Variants in DAAM2 observed in about 807,000 individuals in gnomAD.
DAAM2 encodes the protein dishevelled associated activator of morphogenesis 2.
In DAAM2, 39 loss-of-function variants were observed where a neutral mutation model predicts 120.7. That is an observed-to-expected ratio of 0.32 (90% CI 0.25 to 0.42). The LOEUF is 0.42. Ranked by LOEUF, DAAM2 falls within the 10% of genes least tolerant of loss-of-function variation. The pLI, the probability that DAAM2 is intolerant of heterozygous loss-of-function variation, is 1.00. For synonymous variants in DAAM2, 488 were observed against 524.9 expected, an observed-to-expected ratio of 0.93 and a Z score of 0.96; for missense variants, 1,283 against 1,401.7, an observed-to-expected ratio of 0.92 and a Z score of 1.35.
rs1302318607 is a variant in DAAM2, at chr6:39,870,288, T to G, written c.874-52T>G. ...GTGATGAGGGCTCCACTGGGGATGTTGTGGAAACTGAGATCTGCCAATGAG... is the reference window on the plus strand; with the variant it reads ...GTGATGAGGGCTCCACTGGGGATGTGGTGGAAACTGAGATCTGCCAATGAG... On this transcript the variant is annotated intron_variant, in intron 7 of 24. Transcript: ENST00000274867. 5 of 1,155,778 alleles carry G rather than the reference T, an allele frequency of 4.3e-6. No homozygotes were observed. The African/African-American group carries it at 6.1e-5, about 14-fold the overall frequency. The allele number at this position is 1,155,778 out of a possible 1,614,324, so 71.6% of individuals were successfully genotyped here.
intron 11 of DAAM2, among the ~76,000 whole-genome samples, chr6:39,876,724 T>C (rs1319439363): frequency 4.5e-5 from 5 of 111,246 alleles, no homozygotes; most frequent in East Asian, 3.7e-4. Flanking sequence ...TGTGTGTGTG[T>C]GTGTGCGTGT....
At chr6:39,884,353 C>G (rs1358480656) in intron 15 of DAAM2, 3 of 317,528 alleles carry the variant, frequency 9.4e-6, no homozygotes, top group African/African-American at 6.2e-5. Context: ...ATTTATACAC[C>G]AAGTATTGAA....
At chr6:39,858,857 A>C (rs1193333660) in intron 2 of DAAM2, among the ~76,000 whole-genome samples, 3 of 152,092 alleles carry the variant, frequency 2.0e-5, no homozygotes, top group Admixed American at 6.5e-5. Context: ...GGACTTCTAC[A>C]TTTAAAGGTA....
intron 17 of DAAM2, among the ~76,000 whole-genome samples, chr6:39,889,955 C>T (rs1765604585): frequency 6.6e-6 from 1 of 151,976 alleles, no homozygotes; most frequent in Non-Finnish European, 1.5e-5. Flanking sequence ...TGGTGAGACC[C>T]CATCTTTACT....
At position 39,879,170 on chromosome 6, in the gene DAAM2, C is replaced by T. The variant is rs764736610; in HGVS notation, c.1546-8C>T. 44 of 1,531,048 alleles carry T rather than the reference C, an allele frequency of 2.9e-5. 1 individual carries two copies. In the South Asian group the frequency reaches 4.7e-4, roughly 16 times the overall value. 94.8% of individuals were successfully genotyped at this position (1,531,048 alleles called of 1,614,324 possible). On this transcript the variant is annotated splice_polypyrimidine_tract_variant and splice_region_variant and intron_variant, in intron 13 of 24. Transcript: ENST00000274867. Reference sequence around the variant, plus strand: ...CTTTGTCCTTGCAATTTTTCTGTTTCCTCACAGACAGGCCCTGTATCTTCC... The same window carrying T: ...CTTTGTCCTTGCAATTTTTCTGTTTTCTCACAGACAGGCCCTGTATCTTCC...
In DAAM2 at chr6:39,873,259, G is replaced by A. The variant is rs938555716; in HGVS notation, c.1066G>A (p.Ala356Thr). Residue 356 changes from alanine to threonine, a missense_variant, in exon 10 of 25, where the codon GCT becomes ACT. Around this residue, in one of 3 missense-constraint regions of DAAM2, gnomAD observed 338 missense variants for 443.9 expected, o/e 0.76. Coordinates refer to ENST00000274867, the MANE Select transcript of DAAM2 (RefSeq NM_001201427.2). ...CCAGGTCCACATCGACACCAAGAGT[G>A]CTTCCCAGATGTTTGAGTTGATCCA... is the stretch of plus-strand genomic sequence containing the variant. Reference protein sequence around the residue: ...FDMVHIDTKSASQMFELIHKK... With the variant: ...FDMVHIDTKSTSQMFELIHKK... 2 of 1,612,784 alleles carry A rather than the reference G, an allele frequency of 1.2e-6. No homozygotes were observed. The highest frequency in any genetic ancestry group is 1.3e-5 in the African/African-American group (1 of 74,918).
At chr6:39,869,950 T>C (rs1764591688) in intron 7 of DAAM2, among the ~76,000 whole-genome samples, 1 of 151,992 alleles carries the variant, frequency 6.6e-6, no homozygotes, top group Admixed American at 6.6e-5. Flanking sequence ...GTCATCCCTG[T>C]AGATTAGTTA....
intron 17 of DAAM2, among the ~76,000 whole-genome samples, chr6:39,891,057 C>T (rs1233167339): frequency 6.7e-6 from 1 of 148,336 alleles, no homozygotes; most frequent in East Asian, 2.0e-4. Flanking sequence ...CATACCACTG[C>T]ATTCTAGCCT....
rs1253001994 is a variant in DAAM2 at position 39,879,250 on chromosome 6, C to A, written c.1618C>A (p.Leu540Met). ...TLSSSMTTND[L>M]PPPPPPLPFA... ...GTCTTCCTCAATGACAACCAATGAC[C>A]TGCCTCCACCCCCTCCTCCTCTGCC... Residue 540 changes from leucine (L) to methionine (M), a missense_variant, in exon 14 of 25, where the codon CTG (leucine) becomes ATG (methionine). Leu to Met is a conservative substitution (Grantham distance 15, BLOSUM62 2). This residue lies in a region of DAAM2 where 748 missense variants were observed against 768.6 expected (regional missense o/e 0.97). Transcript: ENST00000274867. 4 of 1,543,946 alleles carry A rather than the reference C, an allele frequency of 2.6e-6. No homozygotes were observed. The highest frequency in any genetic ancestry group is 3.5e-6 in the Non-Finnish European group (4 of 1,141,500).
In DAAM2 at chr6:39,897,232, T is replaced by C. The variant is rs767881457; in HGVS notation, c.2568T>C (p.Ile856=). The change falls in exon 21 of 25, where the codon ATT becomes ATC. Residue 856 remains isoleucine (I), a synonymous_variant. Transcript: ENST00000274867. ...TCCTGGAGAAGCATTTTCCTGATATTCTAAACATGCCTTCAGAGCTGCAAC... is the reference window on the plus strand; with the variant it reads ...TCCTGGAGAAGCATTTTCCTGATATCCTAAACATGCCTTCAGAGCTGCAAC... The part of the protein sequence containing the change: ...IMILEKHFPD[I]LNMPSELQHL... 1.2e-6 allele frequency: 2 copies of C among 1,613,808 alleles called. No individual in the cohort carries two copies. Among genetic ancestry groups the C allele is most frequent in the South Asian group, 2.2e-5 (2 of 91,078 alleles).
At chr6:39,835,567 T>C (rs1427672163) in intron 1 of DAAM2, among the ~76,000 whole-genome samples, 1 of 152,032 alleles carries the variant, frequency 6.6e-6, no homozygotes, top group African/African-American at 2.4e-5. Flanking sequence ...GGTCACAGAG[T>C]TGGTGCTCAG....
intron 1 of DAAM2, among the ~76,000 whole-genome samples, chr6:39,832,269 G>A (rs1228906051): frequency 6.6e-6 from 1 of 151,974 alleles, no homozygotes; most frequent in Non-Finnish European, 1.5e-5. Flanking sequence ...CCCAGTGAGG[G>A]GGTCCCAGAG....
At chr6:39,864,164 TA>T (rs143368561) in intron 3 of DAAM2, among the ~76,000 whole-genome samples, 3,343 of 152,252 alleles carry the variant, frequency 0.022, 96 homozygotes, top group African/African-American at 0.074. Context: ...AAAGAATTTT[TA>T]AAAAATGGTG....
chr6:39,839,031 T>A (rs9367030), intron 1 of DAAM2, among the ~76,000 whole-genome samples: 16 of 151,882 alleles, frequency 1.1e-4, no homozygotes, highest in African/African-American at 3.9e-4. Flanking sequence ...TGGTCCCCCC[T>A]CTCTCTCCTC....
intron 1 of DAAM2, among the ~76,000 whole-genome samples, chr6:39,834,420 G>A (rs1263697099): frequency 6.6e-6 from 1 of 152,146 alleles, no homozygotes; most frequent in Non-Finnish European, 1.5e-5. Flanking sequence ...TGCTTCCCTA[G>A]TGAAAGAGGC....
intron 1 of DAAM2, among the ~76,000 whole-genome samples, chr6:39,811,360 A>G (rs184233319): frequency 6.6e-6 from 1 of 152,224 alleles, no homozygotes; most frequent in East Asian, 1.9e-4. Context: ...TCCAGTTGTT[A>G]AACCCTTATT....
rs758005602 is a variant in DAAM2, at chr6:39,868,461, G to A, written c.763-362G>A. ...ACTGGGTCCTGACTCTGCAGAAGAC[G>A]GAAAAGGGATAAAAGCAGTGTCCAT... On this transcript the variant is annotated intron_variant, in intron 6 of 24. Transcript: ENST00000274867. 4.4e-5 allele frequency: 11 copies of A among 247,458 alleles called. No homozygotes were observed. In the East Asian group the frequency reaches 8.1e-4, roughly 18 times the overall value. The allele number at this position is 247,458 out of a possible 1,614,324, so 15.3% of individuals were successfully genotyped here. A position where few individuals can be genotyped will look rare whatever the true frequency, so the allele number is the denominator to read the frequency against.
At chr6:39,884,925 T>C (rs186979530) in intron 15 of DAAM2, 2 of 152,220 alleles carry the variant, frequency 1.3e-5, no homozygotes, top group African/African-American at 4.8e-5. Flanking sequence ...CTAAGTCCAT[T>C]TGGGGAATGA....
chr6:39,889,322 G>T (rs893932803), intron 17 of DAAM2, among the ~76,000 whole-genome samples: 1 of 152,140 alleles, frequency 6.6e-6, no homozygotes. Context: ...ATATGAAAAG[G>T]TGTTCAATAT....
Sources: allele counts gnomAD v4.1 joint callset (sites outside exome capture counted in the v4.1 genomes callset), GRCh38; gene constraint gnomAD v4.1.1; regional missense constraint gnomAD v4.1.1; transcripts MANE v1.5; gene names NCBI Gene and HGNC (gene_info 2026-07-23, HGNC 2026-07-21).